DOCK5: variants seen among roughly 807,000 people sequenced by gnomAD.
The protein encoded by DOCK5 is dedicator of cytokinesis protein 5.
In DOCK5, 142 loss-of-function variants were observed where a neutral mutation model predicts 251.8. The ratio of observed to expected loss-of-function variants is 0.56; its 90% confidence interval spans 0.49 to 0.65. DOCK5 has a LOEUF of 0.65. Among genes scored for constraint, DOCK5 ranks in the 30% least tolerant of loss-of-function variants. DOCK5 has a pLI of 0.00. For missense variants in DOCK5, 2,111 were observed against 2,312.3 expected (o/e 0.91, Z 1.79); for synonymous variants, 842 against 835.5 (o/e 1.01, Z -0.13).
chr8:25,392,303 CAAAA>C (rs11309985), intron 43 of DOCK5, among the ~76,000 whole-genome samples: 3 of 116,338 alleles, frequency 2.6e-5, no homozygotes, highest in African/African-American at 6.6e-5. Flanking sequence ...GACTTCGTCT[CAAAA>C]AAAAAAAAAA....
chr8:25,351,432 T>C lies in DOCK5; in HGVS notation c.2755-299T>C, dbSNP rs532302678. On this transcript the variant is annotated intron_variant, in intron 26 of 51. Transcript: ENST00000276440. ...CTAATGGGGGTCCCCCAAAACTATT[T>C]GTTGAGTCAGTGGCCACAGTGAGCT... 2.5e-5 allele frequency: 8 copies of C among 324,908 alleles called. No individual in the cohort carries two copies. The South Asian group carries it at 3.0e-4, about 12-fold the overall frequency. 20.1% of individuals were successfully genotyped at this position (324,908 alleles called of 1,614,324 possible).
chr8:25,306,492 G>A (rs1804931278), intron 11 of DOCK5, among the ~76,000 whole-genome samples: 1 of 152,012 alleles, frequency 6.6e-6, no homozygotes, highest in African/African-American at 2.4e-5. Context: ...AGATCACAAG[G>A]TCAGGAGATC....
At chr8:25,219,511 CTTAT>C (rs960418510) in intron 1 of DOCK5, among the ~76,000 whole-genome samples, 22 of 152,076 alleles carry the variant, frequency 1.4e-4, no homozygotes. Flanking sequence ...TCTTGGTTTA[CTTAT>C]TTGTTTTTCT....
At chr8:25,371,264 G>A (rs1288742908) in intron 34 of DOCK5, among the ~76,000 whole-genome samples, 1 of 152,070 alleles carries the variant, frequency 6.6e-6, no homozygotes, top group Non-Finnish European at 1.5e-5. Flanking sequence ...GTTGGCCAGG[G>A]TGGTCTCCAT....
chr8:25,316,875 C>A, intron 13 of DOCK5, 132 bp from the exon 14 acceptor site: 1 of 1,125,244 alleles, frequency 8.9e-7, no homozygotes, highest in Non-Finnish European at 1.2e-6. Flanking sequence ...ATATGAAAGC[C>A]TTTTGTCGGA....
intron 48 of DOCK5, 69 bp from the exon 49 acceptor site, chr8:25,407,914 C>A: frequency 3.5e-6 from 5 of 1,423,134 alleles, no homozygotes; most frequent in Non-Finnish European, 3.8e-6. Flanking sequence ...ACTGCTGGTA[C>A]TTTCATAGTG....
chr8:25,222,810 G>C (rs1209678346), intron 1 of DOCK5, among the ~76,000 whole-genome samples: 1 of 152,160 alleles, frequency 6.6e-6, no homozygotes, highest in Admixed American at 6.5e-5. Context: ...TTCCCTGCCT[G>C]CAAGCAGATT....
intron 33 of DOCK5, 129 bp downstream of exon 33, chr8:25,368,854 A>AAAATGAAATGTAAAG: frequency 9.1e-7 from 1 of 1,095,468 alleles, no homozygotes; most frequent in Non-Finnish European, 1.2e-6. Context: ...TTCACTTTAC[A>AAAATGAAATGTAAAG]TTTCATTTTA....
At chr8:25,193,465 A>T (rs555697916) in intron 1 of DOCK5, among the ~76,000 whole-genome samples, 11 of 152,062 alleles carry the variant, frequency 7.2e-5, no homozygotes, top group African/African-American at 2.7e-4. Context: ...CACCAGCAAA[A>T]AGCACAAAAA....
intron 30 of DOCK5, among the ~76,000 whole-genome samples, chr8:25,366,257 A>C (rs145845218): frequency 0.011 from 1,641 of 152,302 alleles, 31 homozygotes; most frequent in African/African-American, 0.038. Flanking sequence ...TTGGGAGGCC[A>C]AGGCGGGCAG....
At chr8:25,299,714 T>G (rs1043893457) in intron 8 of DOCK5, among the ~76,000 whole-genome samples, 1 of 152,154 alleles carries the variant, frequency 6.6e-6, no homozygotes, top group African/African-American at 2.4e-5. Flanking sequence ...TAATGTCTAT[T>G]AAAAAACATT....
chr8:25,288,200 T>C (rs1335109835), intron 5 of DOCK5, among the ~76,000 whole-genome samples: 1 of 152,174 alleles, frequency 6.6e-6, no homozygotes, highest in Non-Finnish European at 1.5e-5. Flanking sequence ...CGTGCTCTTT[T>C]GGTGAGTGTT....
At chr8:25,381,734 A>T (rs1455261347) in intron 39 of DOCK5, among the ~76,000 whole-genome samples, 1 of 152,162 alleles carries the variant, frequency 6.6e-6, no homozygotes, top group Non-Finnish European at 1.5e-5. Context: ...CATCACCTAG[A>T]TAGAAGAGTA....
chr8:25,199,202 G>T (rs1304693437), intron 1 of DOCK5, among the ~76,000 whole-genome samples: 1 of 152,098 alleles, frequency 6.6e-6, no homozygotes, highest in African/African-American at 2.4e-5. Flanking sequence ...ACGTTTAAGG[G>T]GTGAAGAAAG....
rs1802110106 is a variant in DOCK5 at position 25,210,514 on chromosome 8, G to A, written c.43+25563G>A. ...GCTGTGGCTCACACCTGTCATCCCA[G>A]CATTTTGGGAGGCCAAGGTGGATGG... On this transcript the variant is annotated intron_variant, in intron 1 of 51. Coordinates refer to ENST00000276440, the MANE Select transcript of DOCK5 (RefSeq NM_024940.8). Among the ~76,000 whole-genome samples, 2 of 69,534 alleles carry A rather than the reference G, an allele frequency of 2.9e-5. 1 individual carries two copies. Among genetic ancestry groups the A allele is most frequent in the Admixed American group, 3.2e-4 (2 of 6,206 alleles). 45.6% of individuals were successfully genotyped at this position (69,534 alleles called of 152,430 possible).
At position 25,302,461 on chromosome 8, in the gene DOCK5, G is replaced by C. The variant is rs1287703015; in HGVS notation, c.976+7G>C. The C allele has an allele frequency of 6.5e-7, 1 of 1,541,512 alleles. No homozygotes were observed. Among genetic ancestry groups the C allele is most frequent in the Non-Finnish European group, 8.7e-7 (1 of 1,143,980 alleles). Reference sequence around the variant, plus strand: ...AGACCTTTTGGAGTGGCAGGTACAAGAGAGACCCAGAGACAAATGTGAAAT... The same window carrying C: ...AGACCTTTTGGAGTGGCAGGTACAACAGAGACCCAGAGACAAATGTGAAAT... On this transcript the variant is annotated splice_region_variant and intron_variant, in intron 10 of 51. Transcript: ENST00000276440.
At chr8:25,410,941 GT>G (rs1801613309) in intron 51 of DOCK5, among the ~76,000 whole-genome samples, 1 of 51,062 alleles carries the variant, frequency 2.0e-5, no homozygotes, top group African/African-American at 1.1e-4. Context: ...GAGAGAAAAT[GT>G]GTGTGTGTGT....
intron 16 of DOCK5, among the ~76,000 whole-genome samples, chr8:25,321,898 C>T (rs758804519): frequency 2.0e-4 from 31 of 152,232 alleles, no homozygotes; most frequent in Admixed American, 3.3e-4. Context: ...GTTCACAATG[C>T]GTGTTGCCAT....
At chr8:25,243,632 T>A (rs1199884110) in intron 1 of DOCK5, 42 bp from the exon 2 acceptor site, 1 of 1,581,530 alleles carries the variant, frequency 6.3e-7, no homozygotes, top group East Asian at 2.3e-5. Context: ...CCCAGCCAAG[T>A]GACATGCATT....
Sources: gnomAD v4.1 joint callset for allele counts (sites outside exome capture counted in the v4.1 genomes callset) on GRCh38, gnomAD v4.1.1 for gene constraint, MANE v1.5 for transcripts, NCBI Gene and HGNC (gene_info 2026-07-23, HGNC 2026-07-21) for gene names.